LRRC4C: variants seen among roughly 807,000 people sequenced by gnomAD.
The protein encoded by LRRC4C is leucine rich repeat containing 4C.
In LRRC4C, 5 loss-of-function variants were observed where a neutral mutation model predicts 33.6. That is an observed-to-expected ratio of 0.15 (90% CI 0.08 to 0.31). The LOEUF (loss-of-function observed/expected upper bound fraction) is 0.31, where lower values mean the gene tolerates loss of function less well. Among genes scored for constraint, LRRC4C ranks in the 10% least tolerant of loss-of-function variants. The pLI, the probability that LRRC4C is intolerant of heterozygous loss-of-function variation, is 1.00. For missense variants in LRRC4C, 560 were observed against 796.7 expected (o/e 0.70, Z 3.58); for synonymous variants, 329 against 302.0 (o/e 1.09, Z -0.93).
intron 3 of LRRC4C, among the ~76,000 whole-genome samples, chr11:40,571,938 T>C (rs1212289759): frequency 2.0e-5 from 3 of 152,184 alleles, no homozygotes; most frequent in African/African-American, 4.8e-5. Context: ...GAATGCTTCC[T>C]GGATGCAGCA....
chr11:40,743,030 G>T (rs1366519839), intron 2 of LRRC4C, among the ~76,000 whole-genome samples: 1 of 151,996 alleles, frequency 6.6e-6, no homozygotes, highest in Admixed American at 6.6e-5. Context: ...GGTAGAAAAG[G>T]TCAAGATCTT....
In LRRC4C at chr11:40,990,248, T is replaced by G. The variant is rs1353091765; in HGVS notation, c.-495-56525A>C. ...GTCAAGTTTTATATATATATATATA[T>G]ATATATATATATATATATATATATA... is the stretch of plus-strand genomic sequence containing the variant. On this transcript the variant is annotated intron_variant, in intron 1 of 6. Transcript: ENST00000528697. Among the ~76,000 whole-genome samples the G allele has an allele frequency of 8.0e-5, 11 of 136,774 alleles. 1 individual carries two copies. The highest frequency in any genetic ancestry group is 3.0e-4 in the African/African-American group (11 of 37,134). 89.7% of individuals were successfully genotyped at this position (136,774 alleles called of 152,430 possible).
intron 4 of LRRC4C, among the ~76,000 whole-genome samples, chr11:40,249,536 T>G (rs924367512): frequency 6.7e-6 from 1 of 149,960 alleles, no homozygotes; most frequent in African/African-American, 2.4e-5. Flanking sequence ...AATTGTATTT[T>G]TTGTATATTT....
intron 1 of LRRC4C, among the ~76,000 whole-genome samples, chr11:41,062,905 A>G (rs547540022): frequency 6.6e-6 from 1 of 152,232 alleles, no homozygotes; most frequent in Admixed American, 6.5e-5. Context: ...ATGGCATTTC[A>G]AGGATTTCTA....
At chr11:41,098,892 G>A (rs1274488867) in intron 1 of LRRC4C, among the ~76,000 whole-genome samples, 1 of 151,968 alleles carries the variant, frequency 6.6e-6, no homozygotes, top group Non-Finnish European at 1.5e-5. Flanking sequence ...ATCAATGAAT[G>A]TAGGAGATGG....
chr11:40,511,775 T>C (rs1345780717), intron 3 of LRRC4C, among the ~76,000 whole-genome samples: 1 of 152,130 alleles, frequency 6.6e-6, no homozygotes, highest in Non-Finnish European at 1.5e-5. Context: ...TCTGAAAAAG[T>C]TTCTGGAGAC....
At chr11:40,909,961 A>T (rs1486956640) in intron 2 of LRRC4C, among the ~76,000 whole-genome samples, 10 of 152,150 alleles carry the variant, frequency 6.6e-5, no homozygotes, top group Non-Finnish European at 8.8e-5. Flanking sequence ...GAACATAGAA[A>T]TTTTTTGTGC....
At chr11:40,380,529 T>C (rs1408004081) in intron 3 of LRRC4C, among the ~76,000 whole-genome samples, 2 of 152,194 alleles carry the variant, frequency 1.3e-5, no homozygotes, top group Non-Finnish European at 2.9e-5. Flanking sequence ...TTCATACTTA[T>C]GTGTGCACAC....
At chr11:40,458,210 T>C (rs1292708092) in intron 3 of LRRC4C, among the ~76,000 whole-genome samples, 6 of 152,114 alleles carry the variant, frequency 3.9e-5, no homozygotes, top group Non-Finnish European at 8.8e-5. Context: ...TTACCAGCCA[T>C]GGACTGCCTG....
intron 1 of LRRC4C, among the ~76,000 whole-genome samples, chr11:41,104,392 T>C (rs1204129119): frequency 6.6e-6 from 1 of 151,932 alleles, no homozygotes; most frequent in Non-Finnish European, 1.5e-5. Context: ...CAAGGAATGC[T>C]AATTAAAATT....
intron 3 of LRRC4C, among the ~76,000 whole-genome samples, chr11:40,384,305 A>G (rs956976346): frequency 3.3e-5 from 5 of 152,174 alleles, no homozygotes; most frequent in Admixed American, 2.6e-4. Context: ...AAGGGAGTAA[A>G]GAAAAACTAT....
chr11:40,177,098 C>T (rs946814569), intron 5 of LRRC4C, among the ~76,000 whole-genome samples: 10 of 151,842 alleles, frequency 6.6e-5, no homozygotes, highest in Non-Finnish European at 1.0e-4. Context: ...GGACTACAGG[C>T]GCCCGCCACC....
At chr11:40,292,157 T>C (rs1944240078) in intron 4 of LRRC4C, 1 of 152,076 alleles carries the variant, frequency 6.6e-6, no homozygotes, top group East Asian at 1.9e-4. Context: ...ACTGACATTT[T>C]CTTCACCAAT....
intron 2 of LRRC4C, among the ~76,000 whole-genome samples, chr11:40,838,839 T>C (rs1350629106): frequency 6.6e-6 from 1 of 152,072 alleles, no homozygotes; most frequent in Non-Finnish European, 1.5e-5. Flanking sequence ...ATAAGCCATC[T>C]CTTATAATTA....
intron 2 of LRRC4C, among the ~76,000 whole-genome samples, chr11:40,741,931 A>C (rs1468918126): frequency 1.3e-5 from 2 of 152,034 alleles, no homozygotes; most frequent in Non-Finnish European, 2.9e-5. Flanking sequence ...AGCTCTTCTC[A>C]TCTAAGAGTA....
chr11:40,967,159 AGAAG>A (rs888569385), intron 1 of LRRC4C, among the ~76,000 whole-genome samples: 15 of 151,996 alleles, frequency 9.9e-5, no homozygotes, highest in African/African-American at 2.7e-4. Context: ...AGAAAAGGAA[AGAAG>A]GAAGGAAGGA....
chr11:40,149,933 C>T (rs1858050885), intron 5 of LRRC4C, among the ~76,000 whole-genome samples: 1 of 152,122 alleles, frequency 6.6e-6, no homozygotes, highest in Non-Finnish European at 1.5e-5. Flanking sequence ...CAAATTACCA[C>T]AAACTTGATG....
chr11:40,760,574 AT>A (rs1949158890), intron 2 of LRRC4C, among the ~76,000 whole-genome samples: 1 of 151,694 alleles, frequency 6.6e-6, no homozygotes, highest in Non-Finnish European at 1.5e-5. Context: ...CTTTTGGATC[AT>A]TTATTATTTA....
intron 2 of LRRC4C, among the ~76,000 whole-genome samples, chr11:40,675,373 C>G (rs184064100): frequency 9.9e-5 from 15 of 152,230 alleles, no homozygotes; most frequent in Admixed American, 3.9e-4. Flanking sequence ...ATCGTTAAGA[C>G]TCAGAAAAAT....
Sources: gnomAD v4.1 joint callset for allele counts (sites outside exome capture counted in the v4.1 genomes callset) on GRCh38, gnomAD v4.1.1 for gene constraint, MANE v1.5 for transcripts, NCBI Gene and HGNC (gene_info 2026-07-23, HGNC 2026-07-21) for gene names.